CDH18: variants seen among roughly 807,000 people sequenced by gnomAD.
CDH18 encodes the protein cadherin 18.
Under a neutral mutation model 67.9 loss-of-function variants are expected in CDH18, and 31 were observed. That is an observed-to-expected ratio of 0.46 (90% CI 0.34 to 0.62). CDH18 has a LOEUF of 0.62. CDH18 is among the 20% of genes least tolerant of loss of function. The probability of loss-of-function intolerance (pLI) is 0.01; values close to 1 mark genes in which losing one functional copy is unlikely to be tolerated. For missense variants in CDH18, 890 were observed against 975.5 expected (o/e 0.91, Z 1.17); for synonymous variants, 362 against 347.2 (o/e 1.04, Z -0.48).
At chr5:20,484,392 T>C (rs560145666) in intron 1 of CDH18, among the ~76,000 whole-genome samples, 1 of 152,114 alleles carries the variant, frequency 6.6e-6, no homozygotes, top group South Asian at 2.1e-4. Context: ...AATCTAAAAA[T>C]AGAGCTACTA....
intron 1 of CDH18, among the ~76,000 whole-genome samples, chr5:20,378,394 C>A (rs1743641345): frequency 6.6e-6 from 1 of 151,890 alleles, no homozygotes; most frequent in Non-Finnish European, 1.5e-5. Flanking sequence ...GATGAGATAA[C>A]CCTCTTTTCT....
chr5:20,047,573 A>G (rs1741019227), intron 2 of CDH18, among the ~76,000 whole-genome samples: 3 of 151,964 alleles, frequency 2.0e-5, no homozygotes, highest in African/African-American at 4.8e-5. Flanking sequence ...TTAAAATAGA[A>G]CTATAACACT....
intron 1 of CDH18, among the ~76,000 whole-genome samples, chr5:20,306,209 T>C (rs912142042): frequency 6.6e-6 from 1 of 152,212 alleles, no homozygotes; most frequent in Non-Finnish European, 1.5e-5. Context: ...CAATATAAAT[T>C]ACTCTGTTTC....
intron 7 of CDH18, among the ~76,000 whole-genome samples, chr5:19,589,633 C>T (rs1165051045): frequency 6.6e-6 from 1 of 152,242 alleles, no homozygotes; most frequent in African/African-American, 2.4e-5. Context: ...ATTCAGCAAT[C>T]AGAAATCTTG....
intron 1 of CDH18, among the ~76,000 whole-genome samples, chr5:20,327,843 C>T (rs1738750516): frequency 6.6e-6 from 1 of 151,586 alleles, no homozygotes; most frequent in Non-Finnish European, 1.5e-5. Context: ...TTCAAGACTG[C>T]CCTGGGCAAC....
intron 2 of CDH18, among the ~76,000 whole-genome samples, chr5:20,176,307 A>C (rs761114084): frequency 8.5e-5 from 13 of 152,190 alleles, no homozygotes; most frequent in Non-Finnish European, 1.9e-4. Context: ...CTAGTTTTCA[A>C]AATAGTTCAT....
chr5:20,468,409 T>A (rs561391193), intron 1 of CDH18, among the ~76,000 whole-genome samples: 4 of 152,196 alleles, frequency 2.6e-5, no homozygotes, highest in Non-Finnish European at 4.4e-5. Context: ...CTCTGCCTCA[T>A]CTTTTATCTT....
At chr5:20,552,210 C>T (rs1696200543) in intron 1 of CDH18, among the ~76,000 whole-genome samples, 1 of 151,538 alleles carries the variant, frequency 6.6e-6, no homozygotes, top group African/African-American at 2.4e-5. Context: ...GGCGCATTGG[C>T]TCATGCCTAT....
rs1423504904 is a variant in CDH18 at position 19,473,552 on chromosome 5, C to T, written c.2047G>A (p.Glu683Lys). ...ITALRNPSAAEELKYRRDIRP... is the reference protein window; with the variant it reads ...ITALRNPSAAKELKYRRDIRP... ...ATATCCCTCCGGTACTTGAGCTCCT[C>T]AGCAGCAGAAGGATTCCTCAAGGCT... The change falls in exon 13 of 13, where the codon GAG becomes AAG. Residue 683 changes from glutamate to lysine, a missense_variant. This residue lies in a region of CDH18 where 656 missense variants were observed against 668.1 expected (regional missense o/e 0.98). Transcript: ENST00000382275. 1 of 1,613,876 alleles carries T rather than the reference C, an allele frequency of 6.2e-7. No homozygotes were observed.
At chr5:19,946,144 T>C (rs1795263422) in intron 2 of CDH18, among the ~76,000 whole-genome samples, 1 of 152,010 alleles carries the variant, frequency 6.6e-6, no homozygotes, top group South Asian at 2.1e-4. Flanking sequence ...AGAATACCAG[T>C]TTGAAAGACA....
At chr5:20,172,367 T>G (rs2126654631) in intron 2 of CDH18, among the ~76,000 whole-genome samples, 1 of 150,704 alleles carries the variant, frequency 6.6e-6, no homozygotes, top group East Asian at 2.0e-4. Context: ...ACTATAATTG[T>G]TATGCTCTTC....
chr5:20,251,214 A>G (rs1743833274), intron 2 of CDH18, among the ~76,000 whole-genome samples: 1 of 152,156 alleles, frequency 6.6e-6, no homozygotes, highest in African/African-American at 2.4e-5. Flanking sequence ...ATTTAAACAT[A>G]ATAAATAATT....
At chr5:20,309,089 G>A (rs746636438) in intron 1 of CDH18, among the ~76,000 whole-genome samples, 10 of 152,260 alleles carry the variant, frequency 6.6e-5, no homozygotes, top group East Asian at 1.9e-4. Context: ...TACACACATC[G>A]ACATGCGTAT....
intron 2 of CDH18, among the ~76,000 whole-genome samples, chr5:20,232,612 G>A (rs1476180432): frequency 6.6e-6 from 1 of 151,834 alleles, no homozygotes; most frequent in Non-Finnish European, 1.5e-5. Flanking sequence ...CATGCCAGAC[G>A]GCATGTAGTC....
rs772395310 is a variant in CDH18 at position 19,882,704 on chromosome 5, A to T, written c.-256-43462T>A. On this transcript the variant is annotated intron_variant, in intron 2 of 12. Transcript: ENST00000382275. ...GATGTGAATGAAGATACCAAACCTT[A>T]GAAAGAAGTCTCAGAAAATTTTTCA... Among the ~76,000 whole-genome samples the T allele has an allele frequency of 2.9e-4, 44 of 152,296 alleles. No homozygotes were observed. In the Middle Eastern group the frequency reaches 0.01, roughly 35 times the overall value.
Position 19,483,399 on chromosome 5 carries a change from C to T in CDH18, c.1784G>A (p.Gly595Glu). Residue 595 changes from glycine (G) to glutamate (E), a missense_variant, in exon 12 of 13, where the codon GGG (glycine) becomes GAG (glutamate). Around this residue, in one of 2 missense-constraint regions of CDH18, gnomAD observed 656 missense variants for 668.1 expected, o/e 0.98. Transcript: ENST00000382275. ...TIRVCACERD[G>E]RVRTCHAEAF... is the part of the protein sequence containing the mutation. Reference sequence around the variant, plus strand: ...TTCTGCATGGCAGGTCCGCACACGCCCATCTCTCTCGCATGCACAAACCCT... The same window carrying T: ...TTCTGCATGGCAGGTCCGCACACGCTCATCTCTCTCGCATGCACAAACCCT... 6.2e-7 allele frequency: 1 copy of T among 1,614,068 alleles called. No homozygotes were observed. Among genetic ancestry groups the T allele is most frequent in the Non-Finnish European group, 8.5e-7 (1 of 1,180,010 alleles).
At chr5:20,327,842 G>A (rs1738750258) in intron 1 of CDH18, among the ~76,000 whole-genome samples, 1 of 151,802 alleles carries the variant, frequency 6.6e-6, no homozygotes, top group African/African-American at 2.4e-5. Flanking sequence ...GTTCAAGACT[G>A]CCCTGGGCAA....
chr5:19,472,635 A>T lies in CDH18; in HGVS notation c.*591T>A, dbSNP rs1737746459. Among the ~76,000 whole-genome samples the T allele has an allele frequency of 6.6e-6, 1 of 152,114 alleles. No homozygotes were observed. The highest frequency in any genetic ancestry group is 2.1e-4 in the South Asian group (1 of 4,830). On this transcript the variant is annotated 3_prime_UTR_variant, in exon 13 of 13. Transcript: ENST00000382275. ...AATCCCCATGCTCCATCAGTTTTGT[A>T]TGGAGAAAAGAACTGGGGAGGGCAA...
At chr5:19,783,335 G>C (rs541706330) in intron 3 of CDH18, among the ~76,000 whole-genome samples, 21 of 152,264 alleles carry the variant, frequency 1.4e-4, no homozygotes, top group Non-Finnish European at 2.4e-4. Context: ...GTTCTGCAGA[G>C]AGCTGTGGAT....
Sources: gnomAD v4.1 joint callset for allele counts (sites outside exome capture counted in the v4.1 genomes callset) on GRCh38, gnomAD v4.1.1 for gene constraint, gnomAD v4.1.1 regional missense constraint, MANE v1.5 for transcripts, NCBI Gene and HGNC (gene_info 2026-07-23, HGNC 2026-07-21) for gene names.